Variants in CALD1 observed in about 807,000 individuals in gnomAD.
CALD1 encodes caldesmon 1.
A neutral mutation model predicts 99.9 loss-of-function variants in CALD1; 33 were observed. The observed-to-expected ratio is 0.33, with a 90% confidence interval of 0.25 to 0.44. CALD1 has a LOEUF of 0.44. Among genes scored for constraint, CALD1 ranks in the 20% least tolerant of loss-of-function variants. CALD1 has a pLI of 1.00. For missense variants in CALD1, 861 were observed against 962.1 expected, an observed-to-expected ratio of 0.89 and a Z score of 1.39; for synonymous variants, 310 against 325.0, an observed-to-expected ratio of 0.95 and a Z score of 0.50.
At chr7:134,828,975 A>G (rs1799114839) in intron 1 of CALD1, among the ~76,000 whole-genome samples, 2 of 151,830 alleles carry the variant, frequency 1.3e-5, no homozygotes. Context: ...TAGATGATAA[A>G]TCTATAAAGC....
Position 134,941,206 on chromosome 7 carries a change from C to T in CALD1, c.1501C>T (p.His501Tyr). 6.2e-7 allele frequency: 1 copy of T among 1,611,296 alleles called. No homozygotes were observed. The highest frequency in any genetic ancestry group is 8.5e-7 in the Non-Finnish European group (1 of 1,179,032). ...GTCGCAGAATGGAGAATTCATGACCCACAAACTTAAACATACTGAGAATAC... is the reference window on the plus strand; with the variant it reads ...GTCGCAGAATGGAGAATTCATGACCTACAAACTTAAACATACTGAGAATAC... ...VKSQNGEFMT[H>Y]KLKHTENTFS... The change falls in exon 7 of 15, where the codon CAC (histidine) becomes TAC (tyrosine). Residue 501 changes from histidine (H) to tyrosine (Y), a missense_variant. Physicochemically the swap from His to Tyr is moderately conservative, Grantham distance 83. Coordinates refer to ENST00000361675, the MANE Select transcript of CALD1 (RefSeq NM_033138.4).
intron 3 of CALD1, among the ~76,000 whole-genome samples, chr7:134,901,116 T>C (rs1759070137): frequency 6.6e-6 from 1 of 151,918 alleles, no homozygotes; most frequent in African/African-American, 2.4e-5. Context: ...CTACTTTTCC[T>C]GGTGGGCCTA....
At chr7:134,936,846 G>A (rs1369444014) in intron 6 of CALD1, among the ~76,000 whole-genome samples, 1 of 152,194 alleles carries the variant, frequency 6.6e-6, no homozygotes, top group African/African-American at 2.4e-5. Flanking sequence ...GTGAGCACAG[G>A]CCATGTAAAG....
At chr7:134,721,415 A>G in the CALD1 span, among the ~76,000 whole-genome samples, 2 of 151,826 alleles carry the variant, frequency 1.3e-5, no homozygotes, top group Non-Finnish European at 2.9e-5. Flanking sequence ...AATTGAGCAC[A>G]AGGCATGATT....
At chr7:134,763,646 G>A (rs936737358) in intron 1 of CALD1, among the ~76,000 whole-genome samples, 26 of 152,138 alleles carry the variant, frequency 1.7e-4, no homozygotes, top group African/African-American at 6.0e-4. Context: ...CTAGCTGGGC[G>A]CAATGGCTCA....
the CALD1 span, among the ~76,000 whole-genome samples, chr7:134,717,426 G>T: frequency 6.6e-6 from 1 of 152,176 alleles, no homozygotes. Context: ...GAAAGCACCA[G>T]GAATGAAATC....
At chr7:134,872,191 T>A (rs1405716998) in intron 3 of CALD1, among the ~76,000 whole-genome samples, 1 of 151,944 alleles carries the variant, frequency 6.6e-6, no homozygotes, top group African/African-American at 2.4e-5. Context: ...ACCCCGTCTG[T>A]ACTAAAAATA....
chr7:134,920,935 C>A (rs1364739174), intron 3 of CALD1, among the ~76,000 whole-genome samples: 2 of 152,174 alleles, frequency 1.3e-5, no homozygotes, highest in African/African-American at 2.4e-5. Flanking sequence ...ATACCTTGAG[C>A]CTTTTGTTTT....
intron 1 of CALD1, among the ~76,000 whole-genome samples, chr7:134,746,892 C>T (rs1796639219): frequency 1.3e-5 from 2 of 152,172 alleles, no homozygotes; most frequent in Admixed American, 1.3e-4. Flanking sequence ...AAATATTTAG[C>T]TGAAACTATT....
intron 3 of CALD1, among the ~76,000 whole-genome samples, chr7:134,923,991 C>T (rs1342632688): frequency 2.0e-5 from 3 of 152,050 alleles, no homozygotes; most frequent in Admixed American, 6.5e-5. Flanking sequence ...CTTAAATGTG[C>T]CTCAGTAGAA....
At chr7:134,789,087 G>C (rs1254002779) in intron 1 of CALD1, among the ~76,000 whole-genome samples, 4 of 148,256 alleles carry the variant, frequency 2.7e-5, no homozygotes, top group Admixed American at 2.7e-4. Context: ...CCTGAAGCCA[G>C]TGTTCATGTT....
At chr7:134,826,014 G>A (rs542910619) in intron 1 of CALD1, among the ~76,000 whole-genome samples, 2 of 151,878 alleles carry the variant, frequency 1.3e-5, no homozygotes, top group South Asian at 4.2e-4. Flanking sequence ...ATTCCATCCT[G>A]TAAACTGATT....
At chr7:134,741,121 T>C (rs1796588556), upstream of CALD1, among the ~76,000 whole-genome samples, 2 of 152,152 alleles carry the variant, frequency 1.3e-5, no homozygotes, top group Non-Finnish European at 2.9e-5. Context: ...GTATTATTAG[T>C]CCATTCTCAC....
intron 3 of CALD1, among the ~76,000 whole-genome samples, chr7:134,890,428 T>A (rs937880877): frequency 2.0e-5 from 3 of 152,190 alleles, no homozygotes; most frequent in Non-Finnish European, 4.4e-5. Context: ...CAAAGATCTC[T>A]TTCATTCCGT....
At chr7:134,752,863 G>T (rs1049588993) in intron 1 of CALD1, among the ~76,000 whole-genome samples, 2 of 151,730 alleles carry the variant, frequency 1.3e-5, no homozygotes, top group Non-Finnish European at 2.9e-5. Context: ...TTAGCCAGGC[G>T]TGGTGGCATG....
chr7:134,891,461 C>T (rs1586216767), intron 3 of CALD1: 2 of 1,346,502 alleles, frequency 1.5e-6, no homozygotes, highest in Non-Finnish European at 1.9e-6. Flanking sequence ...CAGGGACAGA[C>T]CAACGTGTTA....
chr7:134,893,217 G>A (rs1258934442), intron 3 of CALD1, among the ~76,000 whole-genome samples: 1 of 152,006 alleles, frequency 6.6e-6, no homozygotes, highest in East Asian at 1.9e-4. Flanking sequence ...CTCTCACCGG[G>A]ATGGTTGTCA....
intron 4 of CALD1, among the ~76,000 whole-genome samples, chr7:134,931,396 AT>A (rs1323484563): frequency 1.3e-5 from 2 of 152,144 alleles, no homozygotes. Context: ...TAAATTATAA[AT>A]TTTTTGCATT....
chr7:134,765,323 A>G (rs1172246466), intron 1 of CALD1, among the ~76,000 whole-genome samples: 1 of 152,238 alleles, frequency 6.6e-6, no homozygotes, highest in Admixed American at 6.5e-5. Context: ...CGGAAAAAAA[A>G]AAAAAAGAAA....
Sources: allele counts gnomAD v4.1 joint callset (sites outside exome capture counted in the v4.1 genomes callset), GRCh38; gene constraint gnomAD v4.1.1; transcripts MANE v1.5; gene names NCBI Gene and HGNC (gene_info 2026-07-23, HGNC 2026-07-21).